The following CABP1 variants were observed in gnomAD, a reference collection of about 807,000 sequenced individuals.
CABP1 encodes calcium binding protein 1, also known as calcium-binding protein 1.
In CABP1, 17 loss-of-function variants were observed where a neutral mutation model predicts 34.3. The observed-to-expected ratio is 0.50, with a 90% CI of 0.34 to 0.74. The LOEUF (loss-of-function observed/expected upper bound fraction) is 0.74. CABP1 is among the 30% of genes least tolerant of loss of function. The pLI, the probability that CABP1 is intolerant of heterozygous loss-of-function variation, is 0.01. For synonymous variants in CABP1, 198 were observed against 229.2 expected, an observed-to-expected ratio of 0.86 and a Z score of 1.23; for missense variants, 373 against 511.1, an observed-to-expected ratio of 0.73 and a Z score of 2.61.
chr12:120,640,892 G>A lies in CABP1; in HGVS notation c.207G>A (p.Thr69=). 1 of 1,092,732 alleles carries A rather than the reference G, an allele frequency of 9.2e-7. No individual in the cohort carries two copies. Among genetic ancestry groups the A allele is most frequent in the South Asian group, 4.3e-5 (1 of 23,116 alleles). 67.7% of individuals were successfully genotyped at this position (1,092,732 alleles called of 1,614,324 possible). The change falls in exon 1 of 6, where the codon ACG becomes ACA. Residue 69 remains threonine, a synonymous_variant. Coordinates refer to ENST00000316803, the MANE Select transcript of CABP1 (RefSeq NM_001033677.2). The surrounding 1 kb of genome is among the most constrained non-coding windows in gnomAD (Gnocchi z 6.2). ...ACATCGCCAAAAGCGAGTCCAAGAC[G>A]TCGCTGCTGAAGGCGGCGGCGGCGG... The part of the protein sequence containing the change: ...SSHIAKSESK[T]SLLKAAAAAA...
At chr12:120,663,078 G>T (rs1205212191) in intron 5 of CABP1, among the ~76,000 whole-genome samples, 2 of 152,068 alleles carry the variant, frequency 1.3e-5, no homozygotes, top group Non-Finnish European at 2.9e-5. Flanking sequence ...CCCTTCCCTG[G>T]TTCCTCAAAC....
the CABP1 span, among the ~76,000 whole-genome samples, chr12:120,673,019 G>A: frequency 6.6e-6 from 1 of 152,000 alleles, no homozygotes; most frequent in Non-Finnish European, 1.5e-5. Flanking sequence ...GATACAGCAA[G>A]ATTCCATTGC....
At chr12:120,664,450 T>C (rs1004121578) in intron 5 of CABP1, among the ~76,000 whole-genome samples, 2 of 152,326 alleles carry the variant, frequency 1.3e-5, no homozygotes, top group African/African-American at 4.8e-5. Flanking sequence ...CACAAATCTG[T>C]ACATAGATGC....
chr12:120,657,491 CCT>C (rs1880303158), intron 1 of CABP1, among the ~76,000 whole-genome samples: 1 of 152,162 alleles, frequency 6.6e-6, no homozygotes, highest in African/African-American at 2.4e-5. Flanking sequence ...GGTCTGTCTG[CCT>C]CTAGAGTCCA....
intron 1 of CABP1, among the ~76,000 whole-genome samples, chr12:120,651,345 G>A (rs757077914): frequency 3.9e-5 from 6 of 152,152 alleles, no homozygotes; most frequent in African/African-American, 7.2e-5. Context: ...TGGCTTTATC[G>A]CCATACACTT....
chr12:120,660,636 C>G lies in CABP1; in HGVS notation c.830-95C>G. On this transcript the variant is annotated intron_variant, in intron 3 of 5. Coordinates refer to ENST00000316803, the MANE Select transcript of CABP1 (RefSeq NM_001033677.2). The surrounding 1 kb of genome is among the most constrained non-coding windows in gnomAD (Gnocchi z 5.0). The stretch of plus-strand genomic sequence containing the variant: ...ATTAAGTTTGTCTCTATCTGATGAG[C>G]AGGTCAAGGAGGGGTTGTCCATTCT... The G allele has an allele frequency of 1.2e-6, 1 of 843,096 alleles. No homozygotes were observed. The highest frequency in any genetic ancestry group is 2.0e-6 in the Non-Finnish European group (1 of 495,490). The allele number at this position is 843,096 out of a possible 1,614,324, so 52.2% of individuals were successfully genotyped here.
chr12:120,678,131 T>TCAGGGCTGG, the CABP1 span, among the ~76,000 whole-genome samples: 1 of 152,208 alleles, frequency 6.6e-6, no homozygotes, highest in South Asian at 2.1e-4. Flanking sequence ...CCTCAGAGTT[T>TCAGGGCTGG]CAGGGCTGGC....
chr12:120,665,228 G>A (rs902571843), intron 5 of CABP1, among the ~76,000 whole-genome samples: 5 of 151,968 alleles, frequency 3.3e-5, no homozygotes, highest in Admixed American at 6.6e-5. Flanking sequence ...TTCGAGACCA[G>A]CCTGGGCAAC....
Position 120,666,914 on chromosome 12 carries a change from C to T in CABP1, c.*14C>T. The T allele has an allele frequency of 6.2e-7, 1 of 1,602,164 alleles. No individual in the cohort carries two copies. Among genetic ancestry groups the T allele is most frequent in the Non-Finnish European group, 8.5e-7 (1 of 1,178,108 alleles). ...ATGTCCCGCTGAGGCCGCGAGGGCC[C>T]CTCCAGGACTGCCAAGCTCCCAAAG... On this transcript the variant is annotated 3_prime_UTR_variant, in exon 6 of 6. Coordinates refer to ENST00000316803, the MANE Select transcript of CABP1 (RefSeq NM_001033677.2).
chr12:120,662,126 C>T (rs1176327073), intron 5 of CABP1: 1 of 152,340 alleles, frequency 6.6e-6, no homozygotes, highest in Non-Finnish European at 1.5e-5. Context: ...CCATCCTTCT[C>T]TATCCATTTA....
chr12:120,647,742 AT>A (rs11393885), intron 1 of CABP1, among the ~76,000 whole-genome samples: 17,296 of 130,326 alleles, frequency 0.13, 1,191 homozygotes, highest in South Asian at 0.18. Flanking sequence ...TAACTTTTGT[AT>A]TTTTTTTTTT....
At position 120,641,311 on chromosome 12, in the gene CABP1, G is replaced by A. The variant is rs770588710; in HGVS notation, c.626G>A (p.Arg209His). 7.5e-7 allele frequency: 1 copy of A among 1,331,644 alleles called. No individual in the cohort carries two copies. The highest frequency in any genetic ancestry group is 9.6e-7 in the Non-Finnish European group (1 of 1,042,666). The allele number at this position is 1,331,644 out of a possible 1,614,324, so 82.5% of individuals were successfully genotyped here. The change falls in exon 1 of 6, where the codon CGC (arginine) becomes CAC (histidine). Residue 209 changes from arginine (R) to histidine (H), a missense_variant. By Grantham distance (29) the Arg-to-His change is conservative. Coordinates refer to ENST00000316803, the MANE Select transcript of CABP1 (RefSeq NM_001033677.2). The surrounding 1 kb of genome is among the most constrained non-coding windows in gnomAD (Gnocchi z 6.7). Reference protein sequence around the residue: ...SEADPFLHRLRPMLSSAFGQD... With the variant: ...SEADPFLHRLHPMLSSAFGQD... ...GCGGACCCGTTCCTCCACCGGCTGC[G>A]CCCCATGCTCAGCTCCGCCTTTGGC... is the stretch of plus-strand genomic sequence containing the variant.
At chr12:120,651,648 G>A (rs7956304) in intron 1 of CABP1, among the ~76,000 whole-genome samples, 45,897 of 152,032 alleles carry the variant, frequency 0.3, 8,112 homozygotes, top group African/African-American at 0.5. Flanking sequence ...AGCTATTGGC[G>A]TCTGTATCCC....
rs11393885 is a variant in CABP1, at chr12:120,647,742, ATTT to A, written c.654+6420_654+6422del. On this transcript the variant is annotated intron_variant, in intron 1 of 5. Transcript: ENST00000316803. ...GCCACCACGCCCAGCTAACTTTTGT[ATTT>A]TTTTTTTTTTTTTTTTAGTAGAGAC... Among the ~76,000 whole-genome samples, 296 of 130,466 alleles carry A rather than the reference ATTT, an allele frequency of 2.3e-3. 1 individual carries two copies. The highest frequency in any genetic ancestry group is 7.2e-3 in the East Asian group (33 of 4,566). The allele number at this position is 130,466 out of a possible 152,430, so 85.6% of individuals were successfully genotyped here.
At chr12:120,670,149 C>T (rs1881201586), downstream of CABP1, among the ~76,000 whole-genome samples, 2 of 151,980 alleles carry the variant, frequency 1.3e-5, no homozygotes, top group Non-Finnish European at 2.9e-5. Context: ...ACTACAGATG[C>T]ACACCAGCTG....
chr12:120,640,910 G>T lies in CABP1; in HGVS notation c.225G>T (p.Ala75=). 9.1e-7 allele frequency: 1 copy of T among 1,103,102 alleles called. No homozygotes were observed. The highest frequency in any genetic ancestry group is 5.3e-5 in the East Asian group (1 of 18,866). 68.3% of individuals were successfully genotyped at this position (1,103,102 alleles called of 1,614,324 possible). A position where few individuals can be genotyped will look rare whatever the true frequency, so the allele number is the denominator to read the frequency against. The change falls in exon 1 of 6, where the codon GCG becomes GCT. Residue 75 remains alanine, a synonymous_variant. Transcript: ENST00000316803. The surrounding 1 kb of genome is among the most constrained non-coding windows in gnomAD (Gnocchi z 6.2). ...CCAAGACGTCGCTGCTGAAGGCGGC[G>T]GCGGCGGCGGCGAGCGGGGGCAGCC... ...SESKTSLLKA[A]AAAASGGSRA...
At chr12:120,645,789 T>TCCAGG (rs1362098529) in intron 1 of CABP1, among the ~76,000 whole-genome samples, 19 of 152,104 alleles carry the variant, frequency 1.2e-4, no homozygotes, top group Admixed American at 1.2e-3. Context: ...AGATTGTGCC[T>TCCAGG]CTGCACTCCA....
At chr12:120,666,600 G>A (rs1244271399) in intron 5 of CABP1, among the ~76,000 whole-genome samples, 2 of 152,314 alleles carry the variant, frequency 1.3e-5, no homozygotes, top group Admixed American at 1.3e-4. Context: ...GATATGGCTG[G>A]AGATGTCAGC....
the CABP1 span, among the ~76,000 whole-genome samples, chr12:120,678,940 G>C: frequency 6.6e-6 from 1 of 151,874 alleles, no homozygotes; most frequent in African/African-American, 2.4e-5. Context: ...AGGCGTGGTG[G>C]TGTATGCCTG....
Sources: gnomAD v4.1 joint callset for allele counts (sites outside exome capture counted in the v4.1 genomes callset) on GRCh38, gnomAD v4.1.1 for gene constraint, Gnocchi (gnomAD v3.1) non-coding constraint, MANE v1.5 for transcripts, NCBI Gene and HGNC (gene_info 2026-07-23, HGNC 2026-07-21) for gene names.